Variants in RNF182 observed in about 807,000 individuals in gnomAD.
RNF182 encodes the protein E3 ubiquitin-protein ligase RNF182.
Under a neutral mutation model 14.4 loss-of-function variants are expected in RNF182, and 15 were observed. The ratio of observed to expected loss-of-function variants is 1.04; its 90% CI spans 0.70 to 1.60. The LOEUF is 1.60. Ranked by LOEUF, RNF182 falls within the 40% of genes most tolerant of loss-of-function variation. The pLI, the probability that RNF182 is intolerant of heterozygous loss-of-function variation, is 0.00. For synonymous variants in RNF182, 128 were observed against 122.9 expected (o/e 1.04, Z -0.27); for missense variants, 268 against 294.8 (o/e 0.91, Z 0.67).
chr6:13,935,239 T>G (rs1279412153), intron 1 of RNF182, among the ~76,000 whole-genome samples: 1 of 152,190 alleles, frequency 6.6e-6, no homozygotes, highest in Non-Finnish European at 1.5e-5. Context: ...ATTTTACATT[T>G]ATTTATGTGA....
At chr6:13,952,463 T>G (rs545253611) in intron 1 of RNF182, among the ~76,000 whole-genome samples, 1 of 152,272 alleles carries the variant, frequency 6.6e-6, no homozygotes, top group East Asian at 1.9e-4. Context: ...GAGGACCCTC[T>G]AACCCCTTAC....
At chr6:13,946,155 T>TATTATG (rs1317708640) in intron 1 of RNF182, among the ~76,000 whole-genome samples, 2 of 146,630 alleles carry the variant, frequency 1.4e-5, no homozygotes, top group African/African-American at 2.5e-5. Context: ...TTATTATTAT[T>TATTATG]ATTATTATTA....
At chr6:13,964,478 G>T (rs1759965647) in intron 1 of RNF182, among the ~76,000 whole-genome samples, 1 of 152,056 alleles carries the variant, frequency 6.6e-6, no homozygotes, top group African/African-American at 2.4e-5. Flanking sequence ...AATTATAGTT[G>T]GCAAGGATTC....
In RNF182 at chr6:13,978,557, T is replaced by C. The variant is rs1760405114; in HGVS notation, c.*694T>C. 6.9e-6 allele frequency: 1 copy of C among 145,566 alleles called. No homozygotes were observed. The highest frequency in any genetic ancestry group is 7.8e-5 in the Admixed American group (1 of 12,842). The allele number at this position is 145,566 out of a possible 1,614,324, so 9.0% of individuals were successfully genotyped here. A position where few individuals can be genotyped will look rare whatever the true frequency, so the allele number is the denominator to read the frequency against. The stretch of plus-strand genomic sequence containing the variant: ...TCCTTGAGACACACTCTTTCCTCCA[T>C]GTCTGTTTTCCTCTCTCCTCAGTCT... On this transcript the variant is annotated 3_prime_UTR_variant, in exon 3 of 3. Transcript: ENST00000488300.
chr6:13,927,124 AT>A (rs1758850599), intron 1 of RNF182, among the ~76,000 whole-genome samples: 1 of 152,204 alleles, frequency 6.6e-6, no homozygotes, highest in Non-Finnish European at 1.5e-5. Context: ...CATGTATTGC[AT>A]GCACTGCTTG....
intron 1 of RNF182, among the ~76,000 whole-genome samples, chr6:13,963,302 C>T (rs187295470): frequency 2.6e-5 from 4 of 152,292 alleles, no homozygotes; most frequent in African/African-American, 7.2e-5. Context: ...GCATGATACT[C>T]ATTGATAAAT....
intron 1 of RNF182, among the ~76,000 whole-genome samples, chr6:13,960,863 C>T (rs1454408385): frequency 1.3e-5 from 2 of 151,740 alleles, no homozygotes; most frequent in Non-Finnish European, 2.9e-5. Flanking sequence ...TAAACTTTGG[C>T]CAAGGGAAAT....
At chr6:13,965,179 G>C (rs1259913853) in intron 1 of RNF182, among the ~76,000 whole-genome samples, 5 of 152,200 alleles carry the variant, frequency 3.3e-5, no homozygotes, top group Non-Finnish European at 1.5e-5. Context: ...GAGATGAAAT[G>C]CATGATTTCC....
In RNF182 at chr6:13,977,536, G is replaced by T. The variant is rs1220916607; in HGVS notation, c.417G>T (p.Glu139Asp). 2 of 1,614,168 alleles carry T rather than the reference G, an allele frequency of 1.2e-6. No individual in the cohort carries two copies. Among genetic ancestry groups the T allele is most frequent in the Non-Finnish European group, 1.7e-6 (2 of 1,180,030 alleles). Reference protein sequence around the residue: ...LVITIMEVQRESSPSLSSTPV... With the variant: ...LVITIMEVQRDSSPSLSSTPV... ...TAACCATCATGGAGGTGCAGAGAGA[G>T]AGCTCCCCGTCCCTGAGCTCCACTC... Residue 139 changes from glutamate (E) to aspartate (D), a missense_variant, in exon 3 of 3, where the codon GAG (glutamate) becomes GAT (aspartate). Coordinates refer to ENST00000488300, the MANE Select transcript of RNF182 (RefSeq NM_152737.4).
intron 1 of RNF182, among the ~76,000 whole-genome samples, chr6:13,972,913 G>A (rs949644372): frequency 6.6e-6 from 1 of 152,144 alleles, no homozygotes; most frequent in Non-Finnish European, 1.5e-5. Flanking sequence ...GTGAGAAGAG[G>A]GCCACTGTCC....
intron 1 of RNF182, among the ~76,000 whole-genome samples, chr6:13,939,137 G>A (rs906903710): frequency 7.2e-5 from 11 of 152,278 alleles, no homozygotes; most frequent in African/African-American, 2.6e-4. Context: ...ATATCAGGTA[G>A]TATAAGTTCT....
intron 1 of RNF182, among the ~76,000 whole-genome samples, chr6:13,945,435 G>T (rs1025435834): frequency 6.6e-6 from 1 of 152,158 alleles, no homozygotes; most frequent in Non-Finnish European, 1.5e-5. Flanking sequence ...CTTCAGCAGT[G>T]CCCCTCAGAG....
Position 13,952,179 on chromosome 6 carries a change from G to A in RNF182, c.-366-22031G>A, listed in dbSNP as rs547811678. On this transcript the variant is annotated intron_variant, in intron 1 of 2. Coordinates refer to ENST00000488300, the MANE Select transcript of RNF182 (RefSeq NM_152737.4). ...GGCTGGGAGGCGAGGAGCTCAGGGA[G>A]ACCAGGGAAAGACCCACCCAGTGCA... Among the ~76,000 whole-genome samples the A allele has an allele frequency of 7.0e-4, 106 of 152,308 alleles. 4 individuals are homozygous for A. The South Asian group carries it at 0.022, about 31-fold the overall frequency.
At chr6:13,937,743 A>G (rs1272733052) in intron 1 of RNF182, among the ~76,000 whole-genome samples, 1 of 151,982 alleles carries the variant, frequency 6.6e-6, no homozygotes, top group Non-Finnish European at 1.5e-5. Context: ...TTTGCCAAAC[A>G]GTTGTCCAGG....
chr6:13,973,423 G>A (rs1000012516), intron 1 of RNF182, among the ~76,000 whole-genome samples: 3 of 152,118 alleles, frequency 2.0e-5, no homozygotes, highest in African/African-American at 7.2e-5. Flanking sequence ...GGGGCCAGAG[G>A]TGGAATAATA....
Position 13,960,656 on chromosome 6 carries a change from A to AGTGTGTGTGT in RNF182, c.-366-13526_-366-13517dup, listed in dbSNP as rs745687828. On this transcript the variant is annotated intron_variant, in intron 1 of 2. Coordinates refer to ENST00000488300, the MANE Select transcript of RNF182 (RefSeq NM_152737.4). ...ACTTTTTTGATGGAGGGAGAGAGAGAGTGTGTGTGTGTGTGTGTGTGTGTG... is the reference window on the plus strand; with the variant it reads ...ACTTTTTTGATGGAGGGAGAGAGAGAGTGTGTGTGTGTGTGTGTGTGTGTGTGTGTGTGTG... 8.8e-3 allele frequency among the ~76,000 whole-genome samples: 1,176 copies of AGTGTGTGTGT among 133,196 alleles called. 6 individuals carry two copies. The highest frequency in any genetic ancestry group is 0.033 in the Middle Eastern group (9 of 272). The allele number at this position is 133,196 out of a possible 152,430, so 87.4% of individuals were successfully genotyped here.
intron 1 of RNF182, among the ~76,000 whole-genome samples, chr6:13,938,197 T>G (rs1388863624): frequency 6.7e-6 from 1 of 148,482 alleles, no homozygotes; most frequent in East Asian, 2.0e-4. Context: ...TTTTTTTTTT[T>G]TAGTAGAGAC....
chr6:13,937,128 A>T (rs1456583169), intron 1 of RNF182, among the ~76,000 whole-genome samples: 4 of 152,232 alleles, frequency 2.6e-5, no homozygotes, highest in Non-Finnish European at 5.9e-5. Flanking sequence ...TGTATCTTGT[A>T]TAGACATAGG....
At chr6:13,963,026 A>G (rs145778018) in intron 1 of RNF182, among the ~76,000 whole-genome samples, 1 of 152,142 alleles carries the variant, frequency 6.6e-6, no homozygotes, top group Non-Finnish European at 1.5e-5. Flanking sequence ...CTGACTTCTT[A>G]TGTAATCTTA....
Sources: allele counts gnomAD v4.1 joint callset (sites outside exome capture counted in the v4.1 genomes callset), GRCh38; gene constraint gnomAD v4.1.1; transcripts MANE v1.5; gene names NCBI Gene and HGNC (gene_info 2026-07-23, HGNC 2026-07-21).